The following IQSEC1 variants were observed in gnomAD, a reference collection of about 807,000 sequenced individuals.
The protein encoded by IQSEC1 is IQ motif and Sec7 domain ArfGEF 1.
A neutral mutation model predicts 91.0 loss-of-function variants in IQSEC1; 31 were observed. The ratio of observed to expected loss-of-function variants is 0.34; its 90% CI spans 0.26 to 0.46. The LOEUF (loss-of-function observed/expected upper bound fraction) is 0.46, where lower values mean the gene tolerates loss of function less well. Among genes scored for constraint, IQSEC1 ranks in the 20% least tolerant of loss-of-function variants. The probability of loss-of-function intolerance (pLI) is 1.00; values close to 1 mark genes in which losing one functional copy is unlikely to be tolerated. For missense variants in IQSEC1, 1,388 were observed against 1,575.6 expected (o/e 0.88, Z 2.02); for synonymous variants, 699 against 662.6 (o/e 1.05, Z -0.84).
At chr3:13,121,769 G>A (rs965203894) in intron 2 of IQSEC1, among the ~76,000 whole-genome samples, 6 of 152,210 alleles carry the variant, frequency 3.9e-5, no homozygotes, top group East Asian at 3.9e-4. Context: ...CTCCATGGTC[G>A]CTGGAGCAAC....
In IQSEC1 at chr3:13,127,457, C is replaced by G. The variant is rs1706536916; in HGVS notation, c.302+36647G>C. The stretch of plus-strand genomic sequence containing the variant: ...AACAAACAAACAAAAAAAAAAAAAC[C>G]AGAGTTCTCTATTCCATTGATTCAT... On this transcript the variant is annotated intron_variant, in intron 2 of 15. Transcript: ENST00000648114. Among the ~76,000 whole-genome samples, 4 of 152,022 alleles carry G rather than the reference C, an allele frequency of 2.6e-5. No individual in the cohort carries two copies. In the South Asian group the frequency reaches 8.3e-4, roughly 32 times the overall value.
intron 9 of IQSEC1, 124 bp from the exon 10 acceptor site, chr3:12,911,852 T>G: frequency 1.4e-6 from 1 of 704,544 alleles, no homozygotes; most frequent in African/African-American, 1.8e-5. Context: ...CCCACGTGAG[T>G]GGAGGGCATG....
chr3:13,177,378 T>C (rs1219989366), intron 1 of IQSEC1, among the ~76,000 whole-genome samples: 1 of 152,086 alleles, frequency 6.6e-6, no homozygotes, highest in Admixed American at 6.5e-5. Flanking sequence ...AGAAAAGCAA[T>C]GGCTTCCCCT....
intron 1 of IQSEC1, among the ~76,000 whole-genome samples, chr3:13,258,024 AG>A (rs1412030502): frequency 6.6e-6 from 1 of 152,250 alleles, no homozygotes; most frequent in Non-Finnish European, 1.5e-5. Context: ...AAAGCCATGG[AG>A]GAAGCTTCAA....
intron 2 of IQSEC1, among the ~76,000 whole-genome samples, chr3:13,089,390 G>A (rs1705798173): frequency 1.3e-5 from 2 of 152,018 alleles, no homozygotes; most frequent in South Asian, 4.2e-4. Flanking sequence ...TACCATACTG[G>A]GCAACACAGT....
Position 12,936,680 on chromosome 3 carries a change from T to C in IQSEC1, c.336A>G (p.Arg112=), listed in dbSNP as rs933141302. 3.8e-6 allele frequency: 6 copies of C among 1,584,258 alleles called. No homozygotes were observed. In the Admixed American group the frequency reaches 7.1e-5, roughly 19 times the overall value. The part of the protein sequence containing the change: ...LQDKQVEMLE[R]KYGGRLVTRH... ...GGGTTACCAGGCGCCCCCCATACTT[T>C]CGTTCTAGCATCTCCACCTGCGGGT... The change falls in exon 3 of 14, where the codon CGA becomes CGG. Residue 112 remains arginine (R), a synonymous_variant. Transcript: ENST00000613206.
intron 1 of IQSEC1, among the ~76,000 whole-genome samples, chr3:12,974,809 A>C (rs569164218): frequency 6.8e-6 from 1 of 147,488 alleles, no homozygotes; most frequent in South Asian, 2.1e-4. Context: ...GCAGGGAGCC[A>C]CAGCAGCACC....
At chr3:13,061,277 C>T (rs954774341) in intron 1 of IQSEC1, among the ~76,000 whole-genome samples, 2 of 152,158 alleles carry the variant, frequency 1.3e-5, no homozygotes, top group Non-Finnish European at 2.9e-5. Flanking sequence ...TCAGAGCAGC[C>T]AGGAAGGGTT....
intron 1 of IQSEC1, among the ~76,000 whole-genome samples, chr3:12,965,307 G>T (rs1242649175): frequency 1.3e-5 from 2 of 152,236 alleles, no homozygotes; most frequent in Non-Finnish European, 2.9e-5. Context: ...ACTAAGGGGG[G>T]TCCCCTGAGG....
At chr3:12,957,682 C>T (rs570591900) in intron 1 of IQSEC1, among the ~76,000 whole-genome samples, 15 of 152,316 alleles carry the variant, frequency 9.8e-5, no homozygotes, top group African/African-American at 2.9e-4. Context: ...TCCTCATGGC[C>T]CGCCCTGCCA....
At position 13,008,770 on chromosome 3, in the gene IQSEC1, C is replaced by G. The variant is rs1016169536; in HGVS notation, c.23+64222G>C. ...GTCGAGTTACTGATAGAACAACGCT[C>G]TTGATCCGGCTCCAGGGCAGAAAGG... is the stretch of plus-strand genomic sequence containing the variant. On this transcript the variant is annotated intron_variant, in intron 1 of 13. Coordinates refer to ENST00000613206, the MANE Select transcript of IQSEC1 (RefSeq NM_001134382.3). This position sits in a 1 kb window ranked among gnomAD's most constrained non-coding sequence, Gnocchi z 4.1. Among the ~76,000 whole-genome samples, 3 of 152,214 alleles carry G rather than the reference C, an allele frequency of 2.0e-5. No individual in the cohort carries two copies. Among genetic ancestry groups the G allele is most frequent in the Non-Finnish European group, 2.9e-5 (2 of 68,042 alleles).
chr3:13,107,235 A>G (rs1706165526), intron 2 of IQSEC1, among the ~76,000 whole-genome samples: 1 of 152,234 alleles, frequency 6.6e-6, no homozygotes, highest in Non-Finnish European at 1.5e-5. Flanking sequence ...CAGAAGACCC[A>G]TGCACAGATG....
At chr3:13,068,384 G>A (rs1443093794) in intron 1 of IQSEC1, among the ~76,000 whole-genome samples, 1 of 152,204 alleles carries the variant, frequency 6.6e-6, no homozygotes, top group African/African-American at 2.4e-5. Flanking sequence ...CATCATGCCA[G>A]GCCATGCCAG....
At chr3:13,179,792 C>G (rs1576284690) in intron 1 of IQSEC1, among the ~76,000 whole-genome samples, 1 of 152,352 alleles carries the variant, frequency 6.6e-6, no homozygotes, top group East Asian at 1.9e-4. Flanking sequence ...ATGCACGGTG[C>G]TTGCGGGCCA....
intron 1 of IQSEC1, among the ~76,000 whole-genome samples, chr3:13,262,223 G>A (rs1294804111): frequency 6.6e-6 from 1 of 152,194 alleles, no homozygotes; most frequent in East Asian, 1.9e-4. Context: ...CTATGCACCG[G>A]GGTCTGTGCG....
Position 12,908,300 on chromosome 3 carries a change from G to A in IQSEC1, c.2755+49C>T, listed in dbSNP as rs754314051. 1.8e-5 allele frequency: 28 copies of A among 1,587,652 alleles called. No homozygotes were observed. The highest frequency in any genetic ancestry group is 2.3e-4 in the Middle Eastern group (1 of 4,374). ...GCCCTGAATGCAGACGCCCTGCCTCGGTCTTGCATGCGCTGGGCTAGCAAG... is the reference window on the plus strand; with the variant it reads ...GCCCTGAATGCAGACGCCCTGCCTCAGTCTTGCATGCGCTGGGCTAGCAAG... On this transcript the variant is annotated intron_variant, in intron 12 of 13. Coordinates refer to ENST00000613206, the MANE Select transcript of IQSEC1 (RefSeq NM_001134382.3). This position sits in a 1 kb window ranked among gnomAD's most constrained non-coding sequence, Gnocchi z 4.9.
intron 1 of IQSEC1, among the ~76,000 whole-genome samples, chr3:13,219,156 T>G (rs370285679): frequency 4.4e-4 from 67 of 152,100 alleles, no homozygotes; most frequent in African/African-American, 1.4e-3. Flanking sequence ...ACCCCCAAGC[T>G]CCTGCAAAAA....
chr3:13,013,158 A>G (rs968691936), intron 1 of IQSEC1, among the ~76,000 whole-genome samples: 1 of 151,920 alleles, frequency 6.6e-6, no homozygotes, highest in Non-Finnish European at 1.5e-5. Flanking sequence ...ATGGGGTTTC[A>G]CCATATTGGT....
At chr3:12,999,997 A>G (rs1406056476) in intron 1 of IQSEC1, among the ~76,000 whole-genome samples, 1 of 152,214 alleles carries the variant, frequency 6.6e-6, no homozygotes, top group African/African-American at 2.4e-5. Context: ...GCTTAGCTCT[A>G]TCTTCAACTA....
Sources: allele counts gnomAD v4.1 joint callset (sites outside exome capture counted in the v4.1 genomes callset), GRCh38; gene constraint gnomAD v4.1.1; non-coding constraint Gnocchi (gnomAD v3.1); transcripts MANE v1.5; gene names NCBI Gene and HGNC (gene_info 2026-07-23, HGNC 2026-07-21).